Variants in CLMP observed in about 807,000 individuals in gnomAD.
CLMP encodes CXADR like cell adhesion molecule, also known as CXADR-like membrane protein.
CLMP carries 27 observed loss-of-function variants against 45.2 expected under a neutral mutation model. The observed-to-expected ratio is 0.60, with a 90% confidence interval of 0.44 to 0.82. The LOEUF is 0.82. Ranked by LOEUF, CLMP falls within the 40% of genes least tolerant of loss-of-function variation. The pLI, the probability that CLMP is intolerant of heterozygous loss-of-function variation, is 0.00. For missense variants in CLMP, 403 were observed against 448.4 expected (o/e 0.90, Z 0.91); for synonymous variants, 167 against 171.4 (o/e 0.97, Z 0.20).
intron 1 of CLMP, among the ~76,000 whole-genome samples, chr11:123,147,167 C>T (rs185691580): frequency 4.1e-4 from 63 of 152,168 alleles, no homozygotes; most frequent in African/African-American, 1.3e-3. Flanking sequence ...AAATTTAGTA[C>T]GGTAGAAAGA....
intron 1 of CLMP, among the ~76,000 whole-genome samples, chr11:123,175,204 T>C (rs919585501): frequency 6.6e-6 from 1 of 151,876 alleles, no homozygotes; most frequent in Non-Finnish European, 1.5e-5. Flanking sequence ...CTGGGTAATT[T>C]ATAAAGAAAG....
At chr11:123,125,001 A>G (rs1406359941) in intron 1 of CLMP, among the ~76,000 whole-genome samples, 2 of 152,074 alleles carry the variant, frequency 1.3e-5, no homozygotes, top group Non-Finnish European at 2.9e-5. Context: ...AGCTCAAGTG[A>G]TCCTCCCACC....
At chr11:123,130,694 G>C (rs577119851) in intron 1 of CLMP, among the ~76,000 whole-genome samples, 2 of 146,096 alleles carry the variant, frequency 1.4e-5, no homozygotes. Context: ...TGTGGAAAAG[G>C]GTTGGGGAAA....
intron 1 of CLMP, among the ~76,000 whole-genome samples, chr11:123,168,695 C>T (rs111750508): frequency 1.3e-4 from 20 of 152,302 alleles, no homozygotes; most frequent in African/African-American, 4.6e-4. Context: ...TCTTGTCCTG[C>T]CTCATCTCTG....
rs1565397421 is a variant in CLMP, at chr11:123,150,478, A to AGAAAGAAAGAAAGAAAGAAG, written c.28+44434_28+44435insCTTCTTTCTTTCTTTCTTTC. On this transcript the variant is annotated intron_variant, in intron 1 of 6. Transcript: ENST00000448775. ...AAGAAAGAAAGAAAGAAAGAAAGAA[A>AGAAAGAAAGAAAGAAAGAAG]GAAAGGAAGGAAGGAAGGAAGGAAG... 1.2e-3 allele frequency among the ~76,000 whole-genome samples: 128 copies of AGAAAGAAAGAAAGAAAGAAG among 103,748 alleles called. 3 individuals carry two copies. The highest frequency in any genetic ancestry group is 4.0e-3 in the African/African-American group (110 of 27,190). 68.1% of individuals were successfully genotyped at this position (103,748 alleles called of 152,430 possible).
intron 2 of CLMP, among the ~76,000 whole-genome samples, chr11:123,091,608 TC>T (rs899095708): frequency 1.3e-5 from 2 of 152,180 alleles, no homozygotes; most frequent in African/African-American, 4.8e-5. Flanking sequence ...TATGCACGTC[TC>T]CTACTGACCA....
intron 5 of CLMP, 121 bp downstream of exon 5, chr11:123,082,964 C>T (rs1865823004): frequency 8.2e-7 from 1 of 1,213,136 alleles, no homozygotes. Context: ...TAGCCATATC[C>T]TTCTGGAGAT....
intron 1 of CLMP, among the ~76,000 whole-genome samples, chr11:123,143,786 C>A (rs1360838925): frequency 6.6e-6 from 1 of 151,894 alleles, no homozygotes; most frequent in Admixed American, 6.6e-5. Flanking sequence ...CAGCCCTTGC[C>A]AACACCTTGA....
At chr11:123,095,300 C>T (rs1565380773) in intron 2 of CLMP, among the ~76,000 whole-genome samples, 1 of 149,030 alleles carries the variant, frequency 6.7e-6, no homozygotes, top group African/African-American at 2.4e-5. Context: ...TCCAGTGAAA[C>T]TTTTTTTTTT....
At chr11:123,128,047 A>G (rs1860925394) in intron 1 of CLMP, among the ~76,000 whole-genome samples, 1 of 151,530 alleles carries the variant, frequency 6.6e-6, no homozygotes, top group Non-Finnish European at 1.5e-5. Flanking sequence ...AAAAAAAAAA[A>G]AAAAAAGGTA....
At chr11:123,167,123 A>G (rs773984817) in intron 1 of CLMP, among the ~76,000 whole-genome samples, 1 of 152,174 alleles carries the variant, frequency 6.6e-6, no homozygotes, top group African/African-American at 2.4e-5. Flanking sequence ...GATGAGTGAT[A>G]GCGATTACTA....
At chr11:123,121,191 T>G (rs1289882475) in intron 1 of CLMP, among the ~76,000 whole-genome samples, 1 of 151,760 alleles carries the variant, frequency 6.6e-6, no homozygotes, top group Non-Finnish European at 1.5e-5. Flanking sequence ...TACAGTGGGC[T>G]TCTTTGTAGG....
intron 1 of CLMP, among the ~76,000 whole-genome samples, chr11:123,175,993 T>C (rs1861693621): frequency 6.6e-6 from 1 of 152,180 alleles, no homozygotes; most frequent in Non-Finnish European, 1.5e-5. Context: ...CCTTGACATT[T>C]TCATTGCCTC....
At chr11:123,176,388 G>C (rs552445595) in intron 1 of CLMP, among the ~76,000 whole-genome samples, 79 of 152,296 alleles carry the variant, frequency 5.2e-4, no homozygotes, top group African/African-American at 1.8e-3. Flanking sequence ...GATGTATAAA[G>C]ATTCCTCTTT....
intron 1 of CLMP, among the ~76,000 whole-genome samples, chr11:123,122,372 A>G (rs2135501097): frequency 6.6e-6 from 1 of 152,074 alleles, no homozygotes; most frequent in African/African-American, 2.4e-5. Flanking sequence ...TTATCCTCCC[A>G]CTTCCCCTGT....
intron 5 of CLMP, among the ~76,000 whole-genome samples, chr11:123,075,205 C>G (rs751978045): frequency 2.7e-4 from 41 of 152,122 alleles, no homozygotes; most frequent in Non-Finnish European, 5.1e-4. Context: ...CCACCAGACT[C>G]AGCCTCCGAA....
intron 1 of CLMP, among the ~76,000 whole-genome samples, chr11:123,107,031 AAAT>A (rs1555080297): frequency 9.6e-4 from 137 of 142,280 alleles, no homozygotes; most frequent in Non-Finnish European, 1.2e-3. Context: ...AAAAAAAAAA[AAAT>A]AATAATAATA....
chr11:123,150,502 A>AG, intron 1 of CLMP, among the ~76,000 whole-genome samples: 1 of 129,738 alleles, frequency 7.7e-6, no homozygotes, highest in African/African-American at 3.0e-5. Flanking sequence ...GAAGGAAGGA[A>AG]GGAAGGAAGG....
chr11:123,161,516 A>T (rs11219036), intron 1 of CLMP, among the ~76,000 whole-genome samples: 68,880 of 151,746 alleles, frequency 0.45, 16,943 homozygotes, highest in South Asian at 0.58. Context: ...AAAGAAAAAA[A>T]TACAAAGAAT....
Sources: gnomAD v4.1 joint callset for allele counts (sites outside exome capture counted in the v4.1 genomes callset) on GRCh38, gnomAD v4.1.1 for gene constraint, MANE v1.5 for transcripts, NCBI Gene and HGNC (gene_info 2026-07-23, HGNC 2026-07-21) for gene names.